The following CDK14 variants were observed in gnomAD, a reference collection of about 807,000 sequenced individuals.
CDK14 encodes cyclin-dependent kinase 14.
CDK14 carries 34 observed loss-of-function variants against 60.7 expected under a neutral mutation model. The ratio of observed to expected loss-of-function variants is 0.56; its 90% confidence interval spans 0.43 to 0.75. The LOEUF is 0.75. CDK14 is among the 30% of genes least tolerant of loss of function. CDK14 has a pLI of 0.00. For missense variants in CDK14, 482 were observed against 564.1 expected (o/e 0.85, Z 1.47); for synonymous variants, 197 against 203.7 (o/e 0.97, Z 0.28).
chr7:90,663,045 G>A (rs375942861), intron 2 of CDK14, among the ~76,000 whole-genome samples: 1 of 151,752 alleles, frequency 6.6e-6, no homozygotes, highest in South Asian at 2.1e-4. Flanking sequence ...TTCCCTTTGC[G>A]TTGAGTGGAA....
chr7:90,817,652 G>C (rs143201792), intron 5 of CDK14, among the ~76,000 whole-genome samples: 352 of 152,290 alleles, frequency 2.3e-3, no homozygotes, highest in Non-Finnish European at 3.9e-3. Context: ...TGGTGGAGCT[G>C]GCTTATTTAG....
chr7:91,010,352 A>C (rs1455221873), intron 10 of CDK14, among the ~76,000 whole-genome samples: 2 of 152,040 alleles, frequency 1.3e-5, no homozygotes, highest in Non-Finnish European at 2.9e-5. Flanking sequence ...ATCAGTTTGG[A>C]GATAACTGGC....
intron 6 of CDK14, among the ~76,000 whole-genome samples, chr7:90,887,827 T>A (rs1791998078): frequency 6.6e-6 from 1 of 152,204 alleles, no homozygotes; most frequent in Non-Finnish European, 1.5e-5. Context: ...AGAGAAAGAT[T>A]ATATATTGTC....
intron 2 of CDK14, among the ~76,000 whole-genome samples, chr7:90,651,044 G>A (rs1800626528): frequency 1.3e-5 from 2 of 152,104 alleles, no homozygotes; most frequent in Admixed American, 6.5e-5. Context: ...AAATTACCTT[G>A]GGCAGTATGG....
intron 9 of CDK14, among the ~76,000 whole-genome samples, chr7:90,977,597 T>A (rs1032333881): frequency 6.6e-6 from 1 of 152,154 alleles, no homozygotes; most frequent in Admixed American, 6.6e-5. Context: ...AACATCAGTC[T>A]TACGGGAAAT....
At chr7:91,189,605 A>AT (rs201640614) in intron 14 of CDK14, among the ~76,000 whole-genome samples, 2 of 151,688 alleles carry the variant, frequency 1.3e-5, no homozygotes, top group African/African-American at 2.4e-5. Context: ...GAGAATCCCA[A>AT]TTTTTTTTTC....
intron 14 of CDK14, among the ~76,000 whole-genome samples, chr7:91,149,307 C>T (rs1046826081): frequency 1.3e-5 from 2 of 151,264 alleles, no homozygotes; most frequent in African/African-American, 4.8e-5. Context: ...GCACCACTTT[C>T]AGCACGTTAC....
chr7:90,657,206 C>T (rs1182231512), intron 2 of CDK14, among the ~76,000 whole-genome samples: 1 of 152,032 alleles, frequency 6.6e-6, no homozygotes, highest in Non-Finnish European at 1.5e-5. Context: ...ATTCAATAGC[C>T]CAAATGGTCA....
At chr7:90,801,206 T>C (rs1207187882) in intron 5 of CDK14, among the ~76,000 whole-genome samples, 1 of 152,204 alleles carries the variant, frequency 6.6e-6, no homozygotes, top group African/African-American at 2.4e-5. Flanking sequence ...ATTGGACCTT[T>C]GAAAGCTTAG....
At chr7:90,709,732 A>G (rs1563052579) in intron 2 of CDK14, 2 of 1,428,440 alleles carry the variant, frequency 1.4e-6, no homozygotes, top group Non-Finnish European at 1.8e-6. Context: ...TTTTGGTCTT[A>G]TTCCACTGAG....
chr7:91,143,839 G>A (rs1800540979), intron 14 of CDK14, among the ~76,000 whole-genome samples: 1 of 152,166 alleles, frequency 6.6e-6, no homozygotes, highest in South Asian at 2.1e-4. Flanking sequence ...ACTAAGGTAG[G>A]TGTTCTTATC....
intron 6 of CDK14, among the ~76,000 whole-genome samples, chr7:90,895,384 T>C (rs188850091): frequency 0.42 from 1,749 of 4,212 alleles, 202 homozygotes; most frequent in Admixed American, 0.44. Context: ...CCCTCTCCTC[T>C]CCTCTCCTCT....
chr7:90,720,049 T>TCA (rs1478387021), intron 2 of CDK14, among the ~76,000 whole-genome samples: 1 of 152,208 alleles, frequency 6.6e-6, no homozygotes, highest in African/African-American at 2.4e-5. Context: ...GAACAAATCT[T>TCA]TACTGGACTC....
intron 4 of CDK14, among the ~76,000 whole-genome samples, chr7:90,757,756 C>T (rs1248698223): frequency 6.6e-6 from 1 of 152,086 alleles, no homozygotes; most frequent in Non-Finnish European, 1.5e-5. Context: ...CACGTGCCAC[C>T]ACACCCAGCT....
At chr7:90,827,777 T>C (rs555815125) in intron 5 of CDK14, among the ~76,000 whole-genome samples, 2 of 152,316 alleles carry the variant, frequency 1.3e-5, no homozygotes, top group African/African-American at 4.8e-5. Context: ...TAAAATGCAT[T>C]TATAAATTTA....
At chr7:91,024,131 T>C (rs1312194902) in intron 10 of CDK14, among the ~76,000 whole-genome samples, 24 of 151,914 alleles carry the variant, frequency 1.6e-4, no homozygotes, top group Admixed American at 1.4e-3. Flanking sequence ...ATGATGATGA[T>C]GATGATGATG....
chr7:90,876,385 G>A (rs1791564063), intron 6 of CDK14, among the ~76,000 whole-genome samples: 1 of 152,036 alleles, frequency 6.6e-6, no homozygotes, highest in African/African-American at 2.4e-5. Flanking sequence ...TCCTTCTCTG[G>A]GTTTAAGAGG....
intron 11 of CDK14, among the ~76,000 whole-genome samples, chr7:91,064,729 G>A (rs705363): frequency 0.033 from 4,980 of 152,310 alleles, 140 homozygotes; most frequent in Non-Finnish European, 0.05. Flanking sequence ...CTAGCACTCA[G>A]ATCCTCTGGA....
intron 3 of CDK14, among the ~76,000 whole-genome samples, chr7:90,732,163 A>G (rs1156308579): frequency 2.6e-5 from 4 of 152,116 alleles, no homozygotes; most frequent in African/African-American, 9.7e-5. Flanking sequence ...CTTATGTTCA[A>G]CCAACCTTGC....
Sources: gnomAD v4.1 joint callset for allele counts (sites outside exome capture counted in the v4.1 genomes callset) on GRCh38, gnomAD v4.1.1 for gene constraint, MANE v1.5 for transcripts, NCBI Gene and HGNC (gene_info 2026-07-23, HGNC 2026-07-21) for gene names.